Variants in DAP observed in about 807,000 individuals in gnomAD.
DAP encodes death-associated protein 1.
In DAP, 8 loss-of-function variants were observed where a neutral mutation model predicts 13.8. That is an observed-to-expected ratio of 0.58 (90% CI 0.34 to 1.05). The LOEUF (loss-of-function observed/expected upper bound fraction) is 1.05. DAP is among the 50% of genes least tolerant of loss of function. The pLI is 0.03. For synonymous variants in DAP, 47 were observed against 47.5 expected, an observed-to-expected ratio of 0.99 and a Z score of 0.04; for missense variants, 106 against 133.2, an observed-to-expected ratio of 0.80 and a Z score of 1.01.
intron 1 of DAP, among the ~76,000 whole-genome samples, chr5:10,753,899 G>T (rs1024401444): frequency 6.6e-6 from 1 of 152,216 alleles, no homozygotes; most frequent in African/African-American, 2.4e-5. Context: ...AAGGTTCTGA[G>T]GACTGTTCCA....
At chr5:10,758,367 AGGG>A (rs1740247615) in intron 1 of DAP, among the ~76,000 whole-genome samples, 1 of 30,526 alleles carries the variant, frequency 3.3e-5, no homozygotes, top group Non-Finnish European at 1.5e-4. Flanking sequence ...TTGGCATCTG[AGGG>A]GTGCTGTTGG....
At chr5:10,708,139 C>A (rs1738745203) in intron 2 of DAP, among the ~76,000 whole-genome samples, 1 of 152,220 alleles carries the variant, frequency 6.6e-6, no homozygotes, top group Admixed American at 6.5e-5. Context: ...GAAATGACCA[C>A]TTTGAGGAGG....
At chr5:10,698,455 T>C (rs1440482600) in intron 2 of DAP, among the ~76,000 whole-genome samples, 1 of 152,012 alleles carries the variant, frequency 6.6e-6, no homozygotes, top group Non-Finnish European at 1.5e-5. Flanking sequence ...AGTATTAGAA[T>C]ACAATGGGAG....
intron 2 of DAP, among the ~76,000 whole-genome samples, chr5:10,737,695 G>C (rs975521912): frequency 3.3e-5 from 5 of 152,168 alleles, no homozygotes; most frequent in African/African-American, 1.2e-4. Context: ...TCTTAACAAT[G>C]AACTTGACTG....
intron 2 of DAP, among the ~76,000 whole-genome samples, chr5:10,703,863 A>G (rs1254066217): frequency 6.6e-6 from 1 of 152,240 alleles, no homozygotes; most frequent in East Asian, 1.9e-4. Flanking sequence ...ATGTGCCTTC[A>G]CTGCCTCTCC....
At chr5:10,701,903 T>C in intron 2 of DAP, among the ~76,000 whole-genome samples, 1 of 152,234 alleles carries the variant, frequency 6.6e-6, no homozygotes, top group Non-Finnish European at 1.5e-5. Context: ...AAGTTTCATT[T>C]TTCATGGAAG....
intron 2 of DAP, among the ~76,000 whole-genome samples, chr5:10,703,463 A>G (rs1738628664): frequency 6.6e-6 from 1 of 152,142 alleles, no homozygotes; most frequent in Non-Finnish European, 1.5e-5. Flanking sequence ...CAGGTGCTTT[A>G]AGCTTCGGAA....
chr5:10,723,090 CT>C (rs1739200501), intron 2 of DAP, among the ~76,000 whole-genome samples: 1 of 152,138 alleles, frequency 6.6e-6, no homozygotes. Flanking sequence ...ACAGATATGC[CT>C]TATGTATTTT....
chr5:10,709,419 G>A (rs765607602), intron 2 of DAP, among the ~76,000 whole-genome samples: 5 of 152,210 alleles, frequency 3.3e-5, no homozygotes, highest in Admixed American at 6.5e-5. Context: ...CCAGAGTAAC[G>A]AGGTAGGTAA....
chr5:10,713,765 G>A (rs1468302352), intron 2 of DAP, among the ~76,000 whole-genome samples: 2 of 152,258 alleles, frequency 1.3e-5, no homozygotes, highest in Admixed American at 1.3e-4. Flanking sequence ...GGCTGGGCAA[G>A]TGCTGCTGTG....
intron 2 of DAP, among the ~76,000 whole-genome samples, chr5:10,740,308 C>A (rs926040546): frequency 6.6e-6 from 1 of 152,072 alleles, no homozygotes; most frequent in Non-Finnish European, 1.5e-5. Flanking sequence ...GTGAACATAT[C>A]AAATGTTCAC....
At chr5:10,729,213 CAG>C (rs1739374515) in intron 2 of DAP, among the ~76,000 whole-genome samples, 1 of 152,178 alleles carries the variant, frequency 6.6e-6, no homozygotes, top group Admixed American at 6.5e-5. Context: ...ACCTTAGCTA[CAG>C]AGGTCATGCT....
chr5:10,711,965 A>AC (rs1388241768), intron 2 of DAP, among the ~76,000 whole-genome samples: 8 of 151,810 alleles, frequency 5.3e-5, no homozygotes, highest in Non-Finnish European at 1.5e-5. Flanking sequence ...GCTGAATTTC[A>AC]CCCCCGTCCT....
chr5:10,690,467 A>C (rs4701878), intron 2 of DAP, among the ~76,000 whole-genome samples: 13,785 of 152,246 alleles, frequency 0.091, 842 homozygotes, highest in East Asian at 0.29. Flanking sequence ...ATTAAACACT[A>C]GCTCCCCATT....
chr5:10,723,470 T>A (rs1187493806), intron 2 of DAP, among the ~76,000 whole-genome samples: 1 of 152,238 alleles, frequency 6.6e-6, no homozygotes, highest in Non-Finnish European at 1.5e-5. Context: ...AAATAGTACT[T>A]AACTCCTTTG....
intron 2 of DAP, among the ~76,000 whole-genome samples, chr5:10,746,732 A>G (rs1388125607): frequency 6.6e-6 from 1 of 152,180 alleles, no homozygotes; most frequent in Admixed American, 6.5e-5. Context: ...ATCACTAATA[A>G]TCACTCAGAA....
rs149934727 is a variant in DAP at position 10,696,290 on chromosome 5, C to G, written c.153-12719G>C. Reference sequence around the variant, plus strand: ...TACAGAAGCGACCACATCTGAGGGGCACAGCCCAGGCACCACTTCCTGAAA... The same window carrying G: ...TACAGAAGCGACCACATCTGAGGGGGACAGCCCAGGCACCACTTCCTGAAA... On this transcript the variant is annotated intron_variant, in intron 2 of 3. Coordinates refer to ENST00000230895, the MANE Select transcript of DAP (RefSeq NM_004394.3). Among the ~76,000 whole-genome samples the G allele has an allele frequency of 2.5e-3, 383 of 152,312 alleles. 4 individuals carry two copies. The highest frequency in any genetic ancestry group is 8.5e-3 in the African/African-American group (352 of 41,554).
At chr5:10,747,955 G>A (rs575291297) in intron 2 of DAP, 20 of 463,342 alleles carry the variant, frequency 4.3e-5, no homozygotes, top group Admixed American at 7.1e-5. Context: ...CAGGGTGGGC[G>A]CGTGGCAACT....
intron 2 of DAP, among the ~76,000 whole-genome samples, chr5:10,708,292 G>GCA (rs1738749499): frequency 6.6e-6 from 1 of 151,098 alleles, no homozygotes; most frequent in Admixed American, 6.6e-5. Flanking sequence ...GGGCACAAGT[G>GCA]CACACACACA....
Sources: gnomAD v4.1 joint callset for allele counts (sites outside exome capture counted in the v4.1 genomes callset) on GRCh38, gnomAD v4.1.1 for gene constraint, MANE v1.5 for transcripts, NCBI Gene and HGNC (gene_info 2026-07-23, HGNC 2026-07-21) for gene names.